Variants in KIF27 observed in about 807,000 individuals in gnomAD.
KIF27 encodes the protein kinesin-like protein KIF27.
KIF27 carries 84 observed loss-of-function variants against 141.8 expected under a neutral mutation model. The observed-to-expected ratio is 0.59, with a 90% CI of 0.50 to 0.71. The LOEUF (loss-of-function observed/expected upper bound fraction) is 0.71, where lower values mean the gene tolerates loss of function less well. Ranked by LOEUF, KIF27 falls within the 30% of genes least tolerant of loss-of-function variation. The pLI is 0.00. For synonymous variants in KIF27, 471 were observed against 569.5 expected (o/e 0.83, Z 2.46); for missense variants, 1,306 against 1,628.4 (o/e 0.80, Z 3.41).
intron 13 of KIF27, among the ~76,000 whole-genome samples, chr9:83,867,367 C>A (rs991651707): frequency 6.6e-6 from 1 of 150,426 alleles, no homozygotes; most frequent in Non-Finnish European, 1.5e-5. Context: ...GAAATACATA[C>A]AGAGATAGAT....
intron 17 of KIF27, among the ~76,000 whole-genome samples, chr9:83,838,345 T>C (rs1481503378): frequency 2.6e-5 from 4 of 152,174 alleles, no homozygotes; most frequent in Non-Finnish European, 5.9e-5. Flanking sequence ...GCCATTCTCC[T>C]GCCTCAGCCT....
chr9:83,886,923 C>G (rs1952160420), intron 9 of KIF27, 118 bp downstream of exon 9: 4 of 1,137,936 alleles, frequency 3.5e-6, no homozygotes, highest in Non-Finnish European at 4.6e-6. Flanking sequence ...CCTTGTTACA[C>G]CAATCCAAGC....
At chr9:83,920,576 A>G (rs1956155205) in intron 1 of KIF27, among the ~76,000 whole-genome samples, 3 of 152,150 alleles carry the variant, frequency 2.0e-5, no homozygotes, top group South Asian at 2.1e-4. Flanking sequence ...GTGGTTTGTT[A>G]ATTATTTTCA....
chr9:83,883,929 C>G lies in KIF27; in HGVS notation c.2329G>C (p.Glu777Gln), dbSNP rs760044042. The G allele has an allele frequency of 9.3e-6, 15 of 1,613,514 alleles. No individual in the cohort carries two copies. Among genetic ancestry groups the G allele is most frequent in the Non-Finnish European group, 1.2e-5 (14 of 1,179,668 alleles). The change falls in exon 10 of 18, where the codon GAA (glutamate) becomes CAA (glutamine). Residue 777 changes from glutamate (E) to glutamine (Q), a missense_variant. Physicochemically the swap from Glu to Gln is conservative, Grantham distance 29. Transcript: ENST00000297814. ...DAEQAKVELI[E>Q]TQKQLQELEN... Reference sequence around the variant, plus strand: ...AGCTCCTGTAGCTGCTTTTGTGTTTCAATCAGTTCGACTTTTGCCTGTTCT... The same window carrying G: ...AGCTCCTGTAGCTGCTTTTGTGTTTGAATCAGTTCGACTTTTGCCTGTTCT...
Position 83,891,230 on chromosome 9 carries a change from G to A in KIF27, c.1809+65C>T, listed in dbSNP as rs539893455. 7.4e-5 allele frequency: 97 copies of A among 1,311,852 alleles called. No homozygotes were observed. In the African/African-American group the frequency reaches 1.2e-3, roughly 17 times the overall value. 81.3% of individuals were successfully genotyped at this position (1,311,852 alleles called of 1,614,324 possible). A position where few individuals can be genotyped will look rare whatever the true frequency, so the allele number is the denominator to read the frequency against. Reference sequence around the variant, plus strand: ...TCTGCTGAGACTGTATAAATACACTGTGATATTACACATGGCTAAAATTTT... The same window carrying A: ...TCTGCTGAGACTGTATAAATACACTATGATATTACACATGGCTAAAATTTT... On this transcript the variant is annotated intron_variant, in intron 6 of 17. Coordinates refer to ENST00000297814, the MANE Select transcript of KIF27 (RefSeq NM_017576.4).
At chr9:83,883,702 A>G in intron 10 of KIF27, 111 bp downstream of exon 10, 1 of 674,514 alleles carries the variant, frequency 1.5e-6, no homozygotes, top group Non-Finnish European at 2.5e-6. Context: ...GTTGATACCC[A>G]GTTTCTCTTG....
intron 2 of KIF27, among the ~76,000 whole-genome samples, chr9:83,913,444 C>T (rs1432491126): frequency 6.8e-6 from 1 of 146,890 alleles, no homozygotes; most frequent in African/African-American, 2.5e-5. Flanking sequence ...ATAAATCCAA[C>T]TTTTTTTTTT....
At position 83,903,975 on chromosome 9, in the gene KIF27, T is replaced by C; in HGVS notation, c.543A>G (p.Glu181=). ...AKECHVESAG[E]VMSLLEMGNA... is the part of the protein sequence containing the mutation. ...TCCCCATCTCCAAAAGACTCATCACTTCACCTGCACTCTCCACATGGCATT... is the reference window on the plus strand; with the variant it reads ...TCCCCATCTCCAAAAGACTCATCACCTCACCTGCACTCTCCACATGGCATT... Residue 181 remains glutamate (E), a synonymous_variant, in exon 4 of 18, where the codon GAA becomes GAG. Transcript: ENST00000297814. The C allele has an allele frequency of 6.2e-7, 1 of 1,613,946 alleles. No homozygotes were observed. The highest frequency in any genetic ancestry group is 8.5e-7 in the Non-Finnish European group (1 of 1,179,916).
intron 9 of KIF27, among the ~76,000 whole-genome samples, chr9:83,886,129 C>T (rs1444769512): frequency 3.9e-5 from 6 of 152,034 alleles, no homozygotes; most frequent in Non-Finnish European, 7.4e-5. Context: ...CCAGTTGACC[C>T]CTCTTAGGAG....
chr9:83,910,090 C>T (rs1370241214), intron 2 of KIF27, among the ~76,000 whole-genome samples: 10 of 151,934 alleles, frequency 6.6e-5, no homozygotes, highest in Non-Finnish European at 1.0e-4. Context: ...TACATACGTA[C>T]GTACTTACAT....
At chr9:83,884,732 T>G (rs1464661575) in intron 9 of KIF27, among the ~76,000 whole-genome samples, 1 of 152,182 alleles carries the variant, frequency 6.6e-6, no homozygotes, top group Non-Finnish European at 1.5e-5. Flanking sequence ...CCCAATTGCC[T>G]CAAAATGTGT....
chr9:83,908,418 T>C, intron 3 of KIF27, 34 bp downstream of exon 3: 1 of 1,323,192 alleles, frequency 7.6e-7, no homozygotes, highest in Non-Finnish European at 1.1e-6. Flanking sequence ...GTCTGTTTGC[T>C]AATGAAGGCA....
intron 2 of KIF27, among the ~76,000 whole-genome samples, chr9:83,914,482 A>T (rs930896739): frequency 8.5e-5 from 13 of 152,180 alleles, no homozygotes; most frequent in African/African-American, 3.1e-4. Context: ...CTTTTTTAAA[A>T]TTTTTTATTT....
intron 2 of KIF27, among the ~76,000 whole-genome samples, chr9:83,912,043 T>A (rs1955221224): frequency 6.6e-6 from 1 of 152,106 alleles, no homozygotes; most frequent in African/African-American, 2.4e-5. Context: ...AAATGGTAAG[T>A]TTGGTGATCT....
At chr9:83,870,707 CTTTTTTTTTTT>C (rs544179803) in intron 11 of KIF27, 75 bp from the exon 12 acceptor site, 2 of 1,261,464 alleles carry the variant, frequency 1.6e-6, no homozygotes, top group Non-Finnish European at 2.0e-6. Context: ...CAATTATTTT[CTTTTTTTTTTT>C]TTTTTTTTTG....
At chr9:83,842,016 G>A (rs895891829) in intron 17 of KIF27, among the ~76,000 whole-genome samples, 2 of 152,150 alleles carry the variant, frequency 1.3e-5, no homozygotes, top group Admixed American at 6.5e-5. Context: ...CTGGCACATG[G>A]CAGACAATCA....
intron 13 of KIF27, among the ~76,000 whole-genome samples, chr9:83,863,152 C>T (rs1205929952): frequency 1.6e-4 from 25 of 152,188 alleles, no homozygotes; most frequent in African/African-American, 4.8e-4. Flanking sequence ...CTTTTCCTAA[C>T]TGAATACCCT....
intron 9 of KIF27, among the ~76,000 whole-genome samples, chr9:83,885,321 G>A (rs1360447509): frequency 7.2e-5 from 11 of 152,118 alleles, no homozygotes; most frequent in Non-Finnish European, 1.6e-4. Flanking sequence ...TCGAACTCCT[G>A]ACCTCAAATG....
chr9:83,857,740 T>C (rs1588024598), intron 14 of KIF27, among the ~76,000 whole-genome samples: 1 of 152,200 alleles, frequency 6.6e-6, no homozygotes, highest in Non-Finnish European at 1.5e-5. Flanking sequence ...GTGCATATCA[T>C]GTTTTTCATA....
Sources: allele counts gnomAD v4.1 joint callset (sites outside exome capture counted in the v4.1 genomes callset), GRCh38; gene constraint gnomAD v4.1.1; transcripts MANE v1.5; gene names NCBI Gene and HGNC (gene_info 2026-07-23, HGNC 2026-07-21).